The following ADK variants were observed in gnomAD, a reference collection of about 807,000 sequenced individuals.
ADK encodes N6,N6-dimethyladenosine kinase.
A neutral mutation model predicts 44.7 loss-of-function variants in ADK; 24 were observed. The ratio of observed to expected loss-of-function variants is 0.54; its 90% CI spans 0.39 to 0.76. ADK has a LOEUF of 0.76. Ranked by LOEUF, ADK falls within the 30% of genes least tolerant of loss-of-function variation. The probability of loss-of-function intolerance (pLI) is 0.00; values close to 1 mark genes in which losing one functional copy is unlikely to be tolerated. For missense variants in ADK, 321 were observed against 425.1 expected (o/e 0.76, Z 2.15); for synonymous variants, 128 against 142.6 (o/e 0.90, Z 0.73).
At chr10:74,300,342 C>T (rs1190374352) in intron 3 of ADK, among the ~76,000 whole-genome samples, 2 of 70,586 alleles carry the variant, frequency 2.8e-5, no homozygotes, top group Non-Finnish European at 6.6e-5. Context: ...TTCCTTCCTT[C>T]CTTCCTTCCT....
chr10:74,492,054 A>G (rs1847509559), intron 6 of ADK, among the ~76,000 whole-genome samples: 1 of 152,174 alleles, frequency 6.6e-6, no homozygotes, highest in African/African-American at 2.4e-5. Flanking sequence ...ATGTATGTAG[A>G]GTTTTTTTCC....
chr10:74,392,868 G>A (rs1243514980), intron 4 of ADK, among the ~76,000 whole-genome samples: 2 of 151,974 alleles, frequency 1.3e-5, no homozygotes, highest in Non-Finnish European at 2.9e-5. Flanking sequence ...GTTCCACAGA[G>A]CTTTTCCTTT....
At chr10:74,475,646 G>A (rs915292922) in intron 6 of ADK, among the ~76,000 whole-genome samples, 1 of 151,998 alleles carries the variant, frequency 6.6e-6, no homozygotes, top group East Asian at 1.9e-4. Flanking sequence ...GGTTGAGCCT[G>A]TGTGAGCCAT....
chr10:74,689,614 A>T (rs536186742), intron 10 of ADK, among the ~76,000 whole-genome samples: 1 of 152,306 alleles, frequency 6.6e-6, no homozygotes, highest in Non-Finnish European at 1.5e-5. Context: ...AGATAATAGA[A>T]CCTTGCCCTG....
intron 4 of ADK, among the ~76,000 whole-genome samples, chr10:74,386,620 A>C (rs1843149658): frequency 6.6e-6 from 1 of 152,052 alleles, no homozygotes; most frequent in South Asian, 2.1e-4. Context: ...TTTGCTCGAA[A>C]ACCTTCATGT....
intron 7 of ADK, among the ~76,000 whole-genome samples, chr10:74,576,896 GT>G (rs1423485651): frequency 6.6e-6 from 1 of 152,070 alleles, no homozygotes; most frequent in Non-Finnish European, 1.5e-5. Context: ...TGAAAGGAGG[GT>G]CTACATGGTA....
At chr10:74,633,580 C>T (rs972746783) in intron 9 of ADK, among the ~76,000 whole-genome samples, 13 of 152,138 alleles carry the variant, frequency 8.5e-5, no homozygotes, top group Non-Finnish European at 1.9e-4. Flanking sequence ...TAATGTGGAA[C>T]AAAGTCAGAC....
chr10:74,270,054 A>T (rs767354843), intron 3 of ADK, among the ~76,000 whole-genome samples: 1 of 152,178 alleles, frequency 6.6e-6, no homozygotes, highest in Non-Finnish European at 1.5e-5. Context: ...ATAGGGAGAG[A>T]TATTAGTCCG....
At chr10:74,497,747 CT>C (rs1402764941) in intron 6 of ADK, among the ~76,000 whole-genome samples, 1 of 152,196 alleles carries the variant, frequency 6.6e-6, no homozygotes, top group Non-Finnish European at 1.5e-5. Flanking sequence ...AGGATGGTCA[CT>C]TGAGCCCAGG....
At chr10:74,396,854 A>T (rs1161355079) in intron 5 of ADK, among the ~76,000 whole-genome samples, 1 of 151,960 alleles carries the variant, frequency 6.6e-6, no homozygotes, top group Non-Finnish European at 1.5e-5. Context: ...TACTTGGGAG[A>T]CTGAGGCAAG....
At chr10:74,274,393 C>G (rs911049864) in intron 3 of ADK, among the ~76,000 whole-genome samples, 19 of 152,080 alleles carry the variant, frequency 1.2e-4, no homozygotes, top group African/African-American at 4.3e-4. Context: ...AAAACCCTGT[C>G]TCTACTAAAA....
chr10:74,217,209 G>C (rs1177692892), intron 2 of ADK, among the ~76,000 whole-genome samples: 1 of 152,230 alleles, frequency 6.6e-6, no homozygotes, highest in Non-Finnish European at 1.5e-5. Context: ...GGCACACCAG[G>C]AGATTATATC....
At chr10:74,227,534 A>AC (rs1844587329) in intron 3 of ADK, among the ~76,000 whole-genome samples, 1 of 152,032 alleles carries the variant, frequency 6.6e-6, no homozygotes, top group Non-Finnish European at 1.5e-5. Context: ...ACATAGTGAG[A>AC]CCCCATCTCT....
chr10:74,369,120 G>A (rs1184828899), intron 4 of ADK, among the ~76,000 whole-genome samples: 1 of 152,104 alleles, frequency 6.6e-6, no homozygotes, highest in African/African-American at 2.4e-5. Context: ...TTTGTGGGAG[G>A]CCAAGGCAGG....
chr10:74,238,856 C>CTTTTTT (rs752385282), intron 3 of ADK, among the ~76,000 whole-genome samples: 896 of 88,138 alleles, frequency 0.01, 60 homozygotes, highest in African/African-American at 0.025. Context: ...TTAGCTAGTG[C>CTTTTTT]TTTTTTTTTT....
In ADK at chr10:74,525,423, G is replaced by C. The variant is rs1848998485; in HGVS notation, c.723G>C (p.Glu241Asp). ...ATGTTGATATACTTTTTGGAAATGAGACAGTGAGTTACCTTTCCTTTTTCA... is the reference window on the plus strand; with the variant it reads ...ATGTTGATATACTTTTTGGAAATGACACAGTGAGTTACCTTTCCTTTTTCA... ...MPYVDILFGN[E>D]TEAATFAREQ... is the part of the protein sequence containing the mutation. The change falls in exon 7 of 11, where the codon GAG (glutamate) becomes GAC (aspartate). Residue 241 changes from glutamate (E) to aspartate (D), a missense_variant. Glu to Asp is a conservative substitution (Grantham distance 45). Coordinates refer to ENST00000539909, the MANE Select transcript of ADK (RefSeq NM_006721.4). The C allele has an allele frequency of 6.2e-7, 1 of 1,611,112 alleles. No homozygotes were observed. The highest frequency in any genetic ancestry group is 1.7e-5 in the Admixed American group (1 of 60,010).
chr10:74,372,502 T>A, intron 4 of ADK: 1 of 395,912 alleles, frequency 2.5e-6, no homozygotes, highest in Non-Finnish European at 4.7e-6. Flanking sequence ...AGTAATGCAT[T>A]CAGCAAGGTT....
intron 3 of ADK, among the ~76,000 whole-genome samples, chr10:74,233,358 A>G (rs747383002): frequency 1.3e-5 from 2 of 152,086 alleles, no homozygotes; most frequent in South Asian, 2.1e-4. Flanking sequence ...TACCACCTTT[A>G]TGGGCCTTTA....
In ADK at chr10:74,171,810, C is replaced by CTGTGTGTGTG. The variant is rs144943440; in HGVS notation, c.65+20491_65+20500dup. Among the ~76,000 whole-genome samples the CTGTGTGTGTG allele has an allele frequency of 3.5e-5, 5 of 143,992 alleles. No homozygotes were observed. The East Asian group carries it at 1.0e-3, about 29-fold the overall frequency. 94.5% of individuals were successfully genotyped at this position (143,992 alleles called of 152,430 possible). On this transcript the variant is annotated intron_variant, in intron 1 of 10. Transcript: ENST00000539909. ...TCTCTTTCTGTCTCTCTCTGTCTCT[C>CTGTGTGTGTG]TGTGTGTGTGTGTGTGTGTGTGTGT...
Sources: gnomAD v4.1 joint callset for allele counts (sites outside exome capture counted in the v4.1 genomes callset) on GRCh38, gnomAD v4.1.1 for gene constraint, MANE v1.5 for transcripts, NCBI Gene and HGNC (gene_info 2026-07-23, HGNC 2026-07-21) for gene names.